Variants in USP46 observed in about 807,000 individuals in gnomAD.
USP46 encodes ubiquitin carboxyl-terminal hydrolase 46.
USP46 carries 12 observed loss-of-function variants against 44.4 expected under a neutral mutation model. The ratio of observed to expected loss-of-function variants is 0.27; its 90% CI spans 0.17 to 0.44. The LOEUF (loss-of-function observed/expected upper bound fraction) is 0.44, where lower values mean the gene tolerates loss of function less well. USP46 is among the 20% of genes least tolerant of loss of function. USP46 has a pLI of 1.00. For synonymous variants in USP46, 155 were observed against 161.5 expected (o/e 0.96, Z 0.31); for missense variants, 248 against 444.8 (o/e 0.56, Z 3.98).
At chr4:52,645,907 C>G (rs1254442921) in intron 1 of USP46, among the ~76,000 whole-genome samples, 1 of 151,316 alleles carries the variant, frequency 6.6e-6, no homozygotes, top group African/African-American at 2.4e-5. Flanking sequence ...GTGGCACTTT[C>G]CCTTTCTCTC....
Position 52,632,969 on chromosome 4 carries a change from AAAGAAAGAAAG to A in USP46, c.37-1836_37-1826del, listed in dbSNP as rs1321853136. Among the ~76,000 whole-genome samples the A allele has an allele frequency of 1.8e-3, 152 of 83,118 alleles. 3 individuals are homozygous for A. The highest frequency in any genetic ancestry group is 4.5e-3 in the African/African-American group (81 of 17,832). 54.5% of individuals were successfully genotyped at this position (83,118 alleles called of 152,430 possible). On this transcript the variant is annotated intron_variant, in intron 1 of 8. Transcript: ENST00000441222. ...GAAAGAAAGAAAGAAAGAAAGAAAG[AAAGAAAGAAAG>A]AAAGAAAAGAAAAGAAAGAAAGAAA...
intron 1 of USP46, among the ~76,000 whole-genome samples, chr4:52,641,735 G>A (rs191813957): frequency 1.8e-3 from 270 of 152,316 alleles, no homozygotes; most frequent in Non-Finnish European, 2.7e-3. Flanking sequence ...CGAAGGCCCA[G>A]AGAAGTAAAC....
At chr4:52,635,736 G>T (rs1377106784) in intron 1 of USP46, among the ~76,000 whole-genome samples, 1 of 152,050 alleles carries the variant, frequency 6.6e-6, no homozygotes, top group African/African-American at 2.4e-5. Flanking sequence ...CACCCACACT[G>T]CCCCAAACAT....
chr4:52,642,912 A>G (rs1234052939), intron 1 of USP46, among the ~76,000 whole-genome samples: 2 of 152,226 alleles, frequency 1.3e-5, no homozygotes, highest in Non-Finnish European at 2.9e-5. Context: ...TGACAATAAT[A>G]TAACAAAAAC....
intron 7 of USP46, among the ~76,000 whole-genome samples, chr4:52,600,100 T>C (rs554914974): frequency 4.2e-4 from 64 of 152,208 alleles, no homozygotes; most frequent in Non-Finnish European, 8.7e-4. Context: ...GGTTTGTTTT[T>C]GGGGGTAGCA....
chr4:52,648,428 C>G (rs934001819), intron 1 of USP46, among the ~76,000 whole-genome samples: 1 of 152,070 alleles, frequency 6.6e-6, no homozygotes, highest in Non-Finnish European at 1.5e-5. Flanking sequence ...CTCATCAAAC[C>G]CATCATTTTG....
chr4:52,605,111 T>C (rs1236929302), intron 5 of USP46, among the ~76,000 whole-genome samples: 1 of 152,194 alleles, frequency 6.6e-6, no homozygotes, highest in African/African-American at 2.4e-5. Context: ...AAAGTAAAGA[T>C]AATGAAATTT....
chr4:52,616,630 C>T (rs1717161283), intron 4 of USP46, among the ~76,000 whole-genome samples: 1 of 152,174 alleles, frequency 6.6e-6, no homozygotes, highest in South Asian at 2.1e-4. Flanking sequence ...GCCTCAGCCT[C>T]CCAAAGTGCT....
At chr4:52,628,902 T>C (rs535253819) in intron 2 of USP46, among the ~76,000 whole-genome samples, 1 of 152,338 alleles carries the variant, frequency 6.6e-6, no homozygotes, top group East Asian at 1.9e-4. Flanking sequence ...TAACATTTTA[T>C]ACCTCTCACA....
At chr4:52,609,898 C>CTTTTTTTTTTTTTTTTTTTTTT (rs66817554) in intron 5 of USP46, among the ~76,000 whole-genome samples, 3 of 24,588 alleles carry the variant, frequency 1.2e-4, no homozygotes, top group African/African-American at 1.3e-4. Context: ...AATTCTATTT[C>CTTTTTTTTTTTTTTTTTTTTTT]TTTTTTTTTT....
At chr4:52,603,799 C>T (rs558713556) in intron 6 of USP46, among the ~76,000 whole-genome samples, 2 of 152,146 alleles carry the variant, frequency 1.3e-5, no homozygotes, top group Non-Finnish European at 2.9e-5. Flanking sequence ...ATTCTCCTGC[C>T]TCAGCCTCCC....
intron 6 of USP46, among the ~76,000 whole-genome samples, chr4:52,603,348 C>A (rs1212008427): frequency 6.6e-6 from 1 of 152,194 alleles, no homozygotes; most frequent in Non-Finnish European, 1.5e-5. Flanking sequence ...GCTAAGGTGA[C>A]TAACCATCTG....
chr4:52,619,172 A>G (rs1440083821), intron 4 of USP46, among the ~76,000 whole-genome samples: 1 of 152,232 alleles, frequency 6.6e-6, no homozygotes, highest in Non-Finnish European at 1.5e-5. Flanking sequence ...TATCTGGAAA[A>G]GTCAGCAATG....
intron 4 of USP46, among the ~76,000 whole-genome samples, chr4:52,616,710 C>T (rs1307721758): frequency 6.6e-6 from 1 of 152,138 alleles, no homozygotes; most frequent in Admixed American, 6.6e-5. Flanking sequence ...GTACATTTAC[C>T]AGGACAGACC....
intron 5 of USP46, among the ~76,000 whole-genome samples, chr4:52,610,116 G>A (rs1332827129): frequency 1.1e-4 from 17 of 150,098 alleles, no homozygotes; most frequent in Admixed American, 6.0e-4. Context: ...AGTAGAGACG[G>A]GGTTTCACCG....
chr4:52,622,556 C>T (rs1717418148), intron 4 of USP46, among the ~76,000 whole-genome samples: 1 of 151,944 alleles, frequency 6.6e-6, no homozygotes, highest in Admixed American at 6.6e-5. Flanking sequence ...CCTTGGGCAC[C>T]AGAGAGAGAA....
intron 4 of USP46, among the ~76,000 whole-genome samples, chr4:52,615,315 G>T (rs189315392): frequency 1.3e-5 from 2 of 152,120 alleles, no homozygotes; most frequent in Admixed American, 1.3e-4. Context: ...TAAAGACACA[G>T]GTTGAAAGTA....
At chr4:52,627,900 A>G (rs761040106) in intron 3 of USP46, 50 bp downstream of exon 3, 34 of 1,548,156 alleles carry the variant, frequency 2.2e-5, no homozygotes, top group Non-Finnish European at 2.9e-5. Flanking sequence ...CAGAACCATC[A>G]ATTCTCCTTA....
At chr4:52,617,087 T>C (rs1275174001) in intron 4 of USP46, among the ~76,000 whole-genome samples, 1 of 152,188 alleles carries the variant, frequency 6.6e-6, no homozygotes, top group Non-Finnish European at 1.5e-5. Flanking sequence ...CAGCATTTAA[T>C]AGGAAATAAA....
Sources: allele counts gnomAD v4.1 joint callset (sites outside exome capture counted in the v4.1 genomes callset), GRCh38; gene constraint gnomAD v4.1.1; transcripts MANE v1.5; gene names NCBI Gene and HGNC (gene_info 2026-07-23, HGNC 2026-07-21).